Variants in ATP1A3 observed in about 807,000 individuals in gnomAD.
The protein encoded by ATP1A3 is ATPase Na+/K+ transporting subunit alpha 3, also known as sodium/potassium-transporting ATPase subunit alpha-3.
A neutral mutation model predicts 108.8 loss-of-function variants in ATP1A3; 12 were observed. The ratio of observed to expected loss-of-function variants is 0.11; its 90% confidence interval spans 0.07 to 0.18. The LOEUF (loss-of-function observed/expected upper bound fraction) is 0.18. Ranked by LOEUF, ATP1A3 falls within the 10% of genes least tolerant of loss-of-function variation. The pLI is 1.00. For missense variants in ATP1A3, 498 were observed against 1,387.7 expected, an observed-to-expected ratio of 0.36 and a Z score of 10.19; for synonymous variants, 539 against 564.5, an observed-to-expected ratio of 0.95 and a Z score of 0.64.
chr19:41,984,836 A>G, intron 8 of ATP1A3, 82 bp downstream of exon 8: 1 of 1,465,786 alleles, frequency 6.8e-7, no homozygotes. Context: ...TCAGGGGTCC[A>G]GGATCCCAGC....
At chr19:41,974,857 C>T (rs1184965114) in intron 16 of ATP1A3, among the ~76,000 whole-genome samples, 1 of 152,216 alleles carries the variant, frequency 6.6e-6, no homozygotes, top group Admixed American at 6.5e-5. Flanking sequence ...CAGACCCAGC[C>T]CCTCACACCG....
intron 1 of ATP1A3, chr19:41,993,252 G>T: frequency 1.3e-6 from 1 of 744,930 alleles, no homozygotes; most frequent in South Asian, 1.6e-5. Flanking sequence ...GGTCAGCCAG[G>T]GAGGGAGGCG....
chr19:41,973,820 TGA>T (rs2075138192), intron 16 of ATP1A3, among the ~76,000 whole-genome samples: 1 of 152,194 alleles, frequency 6.6e-6, no homozygotes, highest in Non-Finnish European at 1.5e-5. Flanking sequence ...CGGCTGTATC[TGA>T]GACAGTGTGT....
intron 11 of ATP1A3, among the ~76,000 whole-genome samples, chr19:41,979,247 C>T (rs1043292173): frequency 4.0e-5 from 6 of 151,856 alleles, no homozygotes; most frequent in Admixed American, 1.3e-4. Flanking sequence ...AAGTGATCTG[C>T]CCTCATCGGC....
At position 41,969,008 on chromosome 19, in the gene ATP1A3, C is replaced by T. The variant is rs1599704716; in HGVS notation, c.2689-93G>A. 4 of 1,587,674 alleles carry T rather than the reference C, an allele frequency of 2.5e-6. No individual in the cohort carries two copies. In the East Asian group the frequency reaches 6.8e-5, roughly 27 times the overall value. ...CGTTCCGGTGCTCTTTGCCCCGCCCCATCCTGCATGGGGTCCTCAGGGCCT... is the reference window on the plus strand; with the variant it reads ...CGTTCCGGTGCTCTTTGCCCCGCCCTATCCTGCATGGGGTCCTCAGGGCCT... On this transcript the variant is annotated intron_variant, in intron 19 of 22. Transcript: ENST00000648268.
chr19:41,978,859 C>G lies in ATP1A3; in HGVS notation c.1438-61G>C. ...CGCAGACACCAGGAAGCTCCCTGCC[C>G]CATCCTGTCCCCTGTCCAGAGCCAC... On this transcript the variant is annotated intron_variant, in intron 11 of 22. Transcript: ENST00000648268. The surrounding 1 kb of genome is among the most constrained non-coding windows in gnomAD (Gnocchi z 8.3). 1 of 1,570,648 alleles carries G rather than the reference C, an allele frequency of 6.4e-7. No individual in the cohort carries two copies. The highest frequency in any genetic ancestry group is 8.7e-7 in the Non-Finnish European group (1 of 1,146,034).
intron 16 of ATP1A3, among the ~76,000 whole-genome samples, chr19:41,975,156 A>G (rs1353745157): frequency 6.6e-6 from 1 of 152,050 alleles, no homozygotes; most frequent in African/African-American, 2.4e-5. Flanking sequence ...GGTTCAAGCA[A>G]TTCTCCTGCC....
chr19:41,970,041 C>T (rs531799253), intron 18 of ATP1A3, 144 bp downstream of exon 18: 2 of 1,357,148 alleles, frequency 1.5e-6, no homozygotes, highest in Non-Finnish European at 1.0e-6. Context: ...GGGTGCAGAC[C>T]CCCCCCACAG....
intron 8 of ATP1A3, among the ~76,000 whole-genome samples, chr19:41,982,382 T>A (rs1331632745): frequency 6.6e-6 from 1 of 152,042 alleles, no homozygotes; most frequent in African/African-American, 2.4e-5. Context: ...TCCCAGCACT[T>A]TGGGAGGCCG....
rs934514262 is a variant in ATP1A3, at chr19:41,979,559, G to C, written c.1438-761C>G. Among the ~76,000 whole-genome samples the C allele has an allele frequency of 2.0e-5, 3 of 151,694 alleles. No individual in the cohort carries two copies. The South Asian group carries it at 6.2e-4, about 32-fold the overall frequency. On this transcript the variant is annotated intron_variant, in intron 11 of 22. Transcript: ENST00000648268. ...TGAGTTCAAGCGATCCTCCTGCCTC[G>C]GTCTCCCAAAGTGCTGGGATTACAG... is the stretch of plus-strand genomic sequence containing the variant.
At chr19:41,980,634 G>A (rs1481439630) in intron 11 of ATP1A3, among the ~76,000 whole-genome samples, 1 of 151,850 alleles carries the variant, frequency 6.6e-6, no homozygotes, top group East Asian at 1.9e-4. Context: ...TACTGAGGCC[G>A]GGCGCGGTGG....
intron 11 of ATP1A3, among the ~76,000 whole-genome samples, chr19:41,979,443 T>C (rs1449751916): frequency 6.6e-6 from 1 of 152,096 alleles, no homozygotes; most frequent in Non-Finnish European, 1.5e-5. Context: ...GTCTCCCACG[T>C]AGCTGGGACC....
intron 8 of ATP1A3, 95 bp from the exon 9 acceptor site, chr19:41,982,201 C>G: frequency 1.3e-6 from 2 of 1,599,232 alleles, no homozygotes; most frequent in Non-Finnish European, 1.7e-6. Flanking sequence ...TGCCCAGCCC[C>G]CAGAGAATCC....
rs2145983879 is a variant in ATP1A3 at position 41,988,413 on chromosome 19, C to G, written c.94-36G>C. 9 of 1,614,182 alleles carry G rather than the reference C, an allele frequency of 5.6e-6. No individual in the cohort carries two copies. Among genetic ancestry groups the G allele is most frequent in the Non-Finnish European group, 7.6e-6 (9 of 1,180,020 alleles). ...GGAGTTTGGGGGAGACGGTGAGTGC[C>G]TAGGCCAGCCAAGAACTGGCGAGGT... On this transcript the variant is annotated intron_variant, in intron 2 of 22. Coordinates refer to ENST00000648268, the MANE Select transcript of ATP1A3 (RefSeq NM_152296.5). This position sits in a 1 kb window ranked among gnomAD's most constrained non-coding sequence, Gnocchi z 5.3.
chr19:41,972,804 G>GGGAA (rs782125486), intron 16 of ATP1A3, among the ~76,000 whole-genome samples: 17,007 of 74,720 alleles, frequency 0.23, 2,482 homozygotes, highest in Non-Finnish European at 0.29. Flanking sequence ...AGGAAGGAAG[G>GGGAA]GGAAGGAAGG....
Position 41,988,241 on chromosome 19 carries a change from T to C in ATP1A3, c.153+77A>G. On this transcript the variant is annotated intron_variant, in intron 3 of 22. Coordinates refer to ENST00000648268, the MANE Select transcript of ATP1A3 (RefSeq NM_152296.5). This position sits in a 1 kb window ranked among gnomAD's most constrained non-coding sequence, Gnocchi z 5.3. ...TTAAGACACCAGCCACAGCCCCTCC[T>C]CCCTCAGACCCAGGGGTCCTAGCCC... The C allele has an allele frequency of 2.5e-6, 4 of 1,612,284 alleles. No homozygotes were observed. Among genetic ancestry groups the C allele is most frequent in the African/African-American group, 1.3e-5 (1 of 74,948 alleles).
intron 5 of ATP1A3, 44 bp downstream of exon 5, chr19:41,986,072 A>C (rs1253793461): frequency 6.2e-7 from 1 of 1,614,074 alleles, no homozygotes. Context: ...CCCCCAGCCC[A>C]TACACTAACA....
chr19:41,993,432 G>A (rs1183800456), intron 1 of ATP1A3: 4 of 1,534,692 alleles, frequency 2.6e-6, no homozygotes, highest in African/African-American at 1.4e-5. Context: ...AGCCTCCCAT[G>A]CCTGCTCCCC....
In ATP1A3 at chr19:41,987,990, G is replaced by A. The variant is rs781801187; in HGVS notation, c.303C>T (p.Cys101=). 1.1e-5 allele frequency: 18 copies of A among 1,614,164 alleles called. No homozygotes were observed. The South Asian group carries it at 2.0e-4, about 18-fold the overall frequency. ...CCGCCTGGATACCGTAGGCCAGGAA[G>A]CAGAGGATAGCCCCGATCCACAGCA... ...SILLWIGAIL[C]FLAYGIQAGT... The change falls in exon 4 of 23, where the codon TGC becomes TGT. Residue 101 remains cysteine (C), a synonymous_variant. Coordinates refer to ENST00000648268, the MANE Select transcript of ATP1A3 (RefSeq NM_152296.5).
Sources: allele counts gnomAD v4.1 joint callset (sites outside exome capture counted in the v4.1 genomes callset), GRCh38; gene constraint gnomAD v4.1.1; non-coding constraint Gnocchi (gnomAD v3.1); transcripts MANE v1.5; gene names NCBI Gene and HGNC (gene_info 2026-07-23, HGNC 2026-07-21).